ERBB4: variants seen among roughly 807,000 people sequenced by gnomAD.
ERBB4 encodes receptor tyrosine-protein kinase erbB-4.
ERBB4 carries 42 observed loss-of-function variants against 158.0 expected under a neutral mutation model. The observed-to-expected ratio is 0.27, with a 90% CI of 0.21 to 0.34. The LOEUF is 0.34. Ranked by LOEUF, ERBB4 falls within the 10% of genes least tolerant of loss-of-function variation. The pLI is 1.00. For synonymous variants in ERBB4, 583 were observed against 558.7 expected, an observed-to-expected ratio of 1.04 and a Z score of -0.61; for missense variants, 1,333 against 1,624.1, an observed-to-expected ratio of 0.82 and a Z score of 3.08.
chr2:211,430,812 G>A (rs1460988129), intron 21 of ERBB4, 133 bp downstream of exon 21: 3 of 756,392 alleles, frequency 4.0e-6, no homozygotes, highest in Non-Finnish European at 7.0e-6. Flanking sequence ...GGCAGGAGAA[G>A]AGGCAAATGG....
intron 1 of ERBB4, among the ~76,000 whole-genome samples, chr2:212,427,511 G>C (rs2091939216): frequency 6.6e-6 from 1 of 152,146 alleles, no homozygotes; most frequent in Admixed American, 6.6e-5. Context: ...AATTGTGAGA[G>C]TGCTTGTAAG....
intron 1 of ERBB4, among the ~76,000 whole-genome samples, chr2:212,283,320 G>A (rs138771085): frequency 4.6e-5 from 7 of 151,868 alleles, no homozygotes; most frequent in East Asian, 1.9e-4. Flanking sequence ...TAAAGATTCC[G>A]GTATCATATG....
chr2:212,135,276 A>T lies in ERBB4; in HGVS notation c.83-10373T>A, dbSNP rs903150727. 2.0e-5 allele frequency among the ~76,000 whole-genome samples: 3 copies of T among 152,164 alleles called. No homozygotes were observed. In the East Asian group the frequency reaches 5.8e-4, roughly 29 times the overall value. On this transcript the variant is annotated intron_variant, in intron 1 of 27. Transcript: ENST00000342788. ...ATAACCTCATAACTGAAAACTAAAAAAACTGATGTACCTCAAAATTATACA... is the reference window on the plus strand; with the variant it reads ...ATAACCTCATAACTGAAAACTAAAATAACTGATGTACCTCAAAATTATACA...
chr2:212,169,672 A>G (rs560345094), intron 1 of ERBB4, among the ~76,000 whole-genome samples: 116 of 152,274 alleles, frequency 7.6e-4, no homozygotes, highest in Admixed American at 1.8e-3. Context: ...TGTAATCTCC[A>G]TAATTCCCGA....
Position 211,722,404 on chromosome 2 carries a change from T to G in ERBB4, c.872A>C (p.Lys291Thr). 1 of 1,613,558 alleles carries G rather than the reference T, an allele frequency of 6.2e-7. No homozygotes were observed. The highest frequency in any genetic ancestry group is 8.5e-7 in the Non-Finnish European group (1 of 1,179,454). The change falls in exon 7 of 28, where the codon AAG (lysine) becomes ACG (threonine). Residue 291 changes from lysine (K) to threonine (T), a missense_variant. Lys to Thr is a moderately conservative substitution (Grantham distance 78, BLOSUM62 -1). Coordinates refer to ENST00000342788, the MANE Select transcript of ERBB4 (RefSeq NM_005235.3). ...AKYTYGAFCVKKCPHNFVVDS... is the reference protein window; with the variant it reads ...AKYTYGAFCVTKCPHNFVVDS... The stretch of plus-strand genomic sequence containing the variant: ...ATTCTGTTACTTACGTGGACATTTC[T>G]TGACACAGAATGCTCCATATGTGTA...
At chr2:211,465,415 T>C (rs1233325672) in intron 20 of ERBB4, among the ~76,000 whole-genome samples, 2 of 152,130 alleles carry the variant, frequency 1.3e-5, no homozygotes, top group Admixed American at 6.6e-5. Flanking sequence ...AACAGAAAAT[T>C]GAAATCCCTG....
chr2:212,047,567 G>A (rs750238952), intron 2 of ERBB4, among the ~76,000 whole-genome samples: 3 of 151,892 alleles, frequency 2.0e-5, no homozygotes, highest in Non-Finnish European at 4.4e-5. Flanking sequence ...CTGCCTCTTG[G>A]GTTCAAGCAA....
chr2:211,792,356 T>C (rs983236973), intron 3 of ERBB4, among the ~76,000 whole-genome samples: 1 of 151,752 alleles, frequency 6.6e-6, no homozygotes, highest in South Asian at 2.1e-4. Flanking sequence ...TTGAAATATC[T>C]ATACAGAATA....
Position 211,622,990 on chromosome 2 carries a change from AATATATATATATATATATATATATAT to A in ERBB4, c.2202+906_2202+931del, listed in dbSNP as rs1165877419. ...AAAAAAAAAAAAAAAAAAAAAAAAAAATATATATATATATATATATATATATATATATATATATATATATATATATA... is the reference window on the plus strand; with the variant it reads ...AAAAAAAAAAAAAAAAAAAAAAAAAAATATATATATATATATATATATATA... On this transcript the variant is annotated intron_variant, in intron 18 of 27. Coordinates refer to ENST00000342788, the MANE Select transcript of ERBB4 (RefSeq NM_005235.3). Among the ~76,000 whole-genome samples the A allele has an allele frequency of 5.1e-3, 112 of 21,870 alleles. 2 individuals are homozygous for A. The highest frequency in any genetic ancestry group is 0.01 in the South Asian group (3 of 300). 14.3% of individuals were successfully genotyped at this position (21,870 alleles called of 152,430 possible). A position where few individuals can be genotyped will look rare whatever the true frequency, so the allele number is the denominator to read the frequency against.
chr2:211,901,839 TC>T (rs1575346002), intron 3 of ERBB4, among the ~76,000 whole-genome samples: 1 of 152,050 alleles, frequency 6.6e-6, no homozygotes, highest in East Asian at 1.9e-4. Flanking sequence ...ATTTGTAGAG[TC>T]AAAAAAAATT....
At chr2:212,338,693 T>C (rs906544537) in intron 1 of ERBB4, among the ~76,000 whole-genome samples, 7 of 152,118 alleles carry the variant, frequency 4.6e-5, no homozygotes, top group South Asian at 4.1e-4. Flanking sequence ...TGCATCAACA[T>C]TGAGTCATGT....
At chr2:212,126,211 C>T (rs1373447355) in intron 1 of ERBB4, among the ~76,000 whole-genome samples, 7 of 151,940 alleles carry the variant, frequency 4.6e-5, no homozygotes, top group South Asian at 4.1e-4. Flanking sequence ...CACCTGTTAT[C>T]GCAGCACTTT....
chr2:212,220,235 A>G (rs1246734662), intron 1 of ERBB4, among the ~76,000 whole-genome samples: 1 of 151,456 alleles, frequency 6.6e-6, no homozygotes, highest in Non-Finnish European at 1.5e-5. Context: ...TTTTGAGTAT[A>G]TAAGAATATG....
At chr2:212,370,572 G>A (rs980673506) in intron 1 of ERBB4, among the ~76,000 whole-genome samples, 1 of 152,014 alleles carries the variant, frequency 6.6e-6, no homozygotes, top group Non-Finnish European at 1.5e-5. Flanking sequence ...AAAATTTCCA[G>A]GGTGATAATT....
chr2:212,089,652 G>A (rs1280954007), intron 2 of ERBB4, among the ~76,000 whole-genome samples: 1 of 152,102 alleles, frequency 6.6e-6, no homozygotes, highest in Non-Finnish European at 1.5e-5. Flanking sequence ...TTTGACTTCT[G>A]CCATGAGTAA....
intron 3 of ERBB4, 43 bp downstream of exon 3, chr2:211,947,387 T>C (rs1028678230): frequency 2.0e-6 from 3 of 1,492,566 alleles, no homozygotes; most frequent in East Asian, 2.3e-5. Context: ...TTGCCTTATA[T>C]TGATAATGAA....
At chr2:211,547,954 G>A (rs2066985052) in intron 20 of ERBB4, among the ~76,000 whole-genome samples, 1 of 152,070 alleles carries the variant, frequency 6.6e-6, no homozygotes, top group Non-Finnish European at 1.5e-5. Context: ...AAGCAAAAGG[G>A]AAGCTTGCTA....
At chr2:212,524,383 G>A (rs933896346) in intron 1 of ERBB4, among the ~76,000 whole-genome samples, 1 of 151,884 alleles carries the variant, frequency 6.6e-6, no homozygotes, top group Non-Finnish European at 1.5e-5. Context: ...TACCTTGCCA[G>A]GTAACTATTC....
chr2:211,528,861 C>G (rs1318977207), intron 20 of ERBB4, among the ~76,000 whole-genome samples: 2 of 151,310 alleles, frequency 1.3e-5, no homozygotes, highest in Non-Finnish European at 2.9e-5. Flanking sequence ...GAAAGCAGTA[C>G]TAAGAAGAAA....
Sources: gnomAD v4.1 joint callset for allele counts (sites outside exome capture counted in the v4.1 genomes callset) on GRCh38, gnomAD v4.1.1 for gene constraint, MANE v1.5 for transcripts, NCBI Gene and HGNC (gene_info 2026-07-23, HGNC 2026-07-21) for gene names.